GMDS: variants seen among roughly 807,000 people sequenced by gnomAD.
GMDS encodes the protein GDP-mannose 4,6 dehydratase.
Under a neutral mutation model 49.9 loss-of-function variants are expected in GMDS, and 20 were observed. The ratio of observed to expected loss-of-function variants is 0.40; its 90% CI spans 0.28 to 0.58. The LOEUF (loss-of-function observed/expected upper bound fraction) is 0.58. Ranked by LOEUF, GMDS falls within the 20% of genes least tolerant of loss-of-function variation. The pLI is 0.42. For synonymous variants in GMDS, 177 were observed against 178.6 expected, an observed-to-expected ratio of 0.99 and a Z score of 0.07; for missense variants, 362 against 481.4, an observed-to-expected ratio of 0.75 and a Z score of 2.32.
At chr6:2,055,285 G>A (rs778515849) in intron 4 of GMDS, among the ~76,000 whole-genome samples, 4 of 151,164 alleles carry the variant, frequency 2.6e-5, no homozygotes, top group Admixed American at 6.6e-5. Context: ...AGAGAATGAG[G>A]CAGAAGACAT....
chr6:1,685,773 A>G (rs1044731718), intron 9 of GMDS, among the ~76,000 whole-genome samples: 9 of 152,198 alleles, frequency 5.9e-5, no homozygotes, highest in Non-Finnish European at 1.2e-4. Flanking sequence ...GGAGGGGCAC[A>G]GGATGGAGAT....
At chr6:1,932,973 A>C (rs1762366389) in intron 6 of GMDS, among the ~76,000 whole-genome samples, 1 of 152,154 alleles carries the variant, frequency 6.6e-6, no homozygotes, top group Non-Finnish European at 1.5e-5. Context: ...CATCACAATC[A>C]ATTTCAGAAC....
chr6:1,874,837 C>T (rs1302418324), intron 7 of GMDS, among the ~76,000 whole-genome samples: 1 of 152,060 alleles, frequency 6.6e-6, no homozygotes, highest in African/African-American at 2.4e-5. Flanking sequence ...CAAAAAGTGT[C>T]TCGTAGTAAT....
intron 9 of GMDS, among the ~76,000 whole-genome samples, chr6:1,697,115 G>A (rs1023218974): frequency 2.6e-5 from 4 of 152,192 alleles, no homozygotes; most frequent in Non-Finnish European, 4.4e-5. Context: ...GGCTGTGTGA[G>A]CCCAAATGCC....
In GMDS at chr6:1,936,394, C is replaced by T. The variant is rs1762532987; in HGVS notation, c.644-6164G>A. On this transcript the variant is annotated intron_variant, in intron 6 of 10. Coordinates refer to ENST00000380815, the MANE Select transcript of GMDS (RefSeq NM_001500.4). ...TTCCATGAACCTAGGGAAAGTGAAG[C>T]CTGTGAATTTTACCAGCAGCAGACA... 1.3e-5 allele frequency among the ~76,000 whole-genome samples: 2 copies of T among 152,022 alleles called. 1 individual carries two copies. The highest frequency in any genetic ancestry group is 4.8e-5 in the African/African-American group (2 of 41,390).
chr6:2,184,790 A>T (rs888972347), intron 1 of GMDS, among the ~76,000 whole-genome samples: 2 of 152,234 alleles, frequency 1.3e-5, no homozygotes, highest in African/African-American at 4.8e-5. Flanking sequence ...AATCTATCAT[A>T]TTACCATAAA....
At chr6:1,931,755 A>C (rs1762296219) in intron 6 of GMDS, among the ~76,000 whole-genome samples, 1 of 152,230 alleles carries the variant, frequency 6.6e-6, no homozygotes, top group Non-Finnish European at 1.5e-5. Flanking sequence ...TATTAAATGA[A>C]GATTCCAACA....
At chr6:1,712,963 G>C (rs1766024929) in intron 9 of GMDS, among the ~76,000 whole-genome samples, 1 of 152,180 alleles carries the variant, frequency 6.6e-6, no homozygotes, top group Non-Finnish European at 1.5e-5. Context: ...CAGGGACACG[G>C]GGCAGACACA....
chr6:2,190,186 G>A (rs913713438), intron 1 of GMDS, among the ~76,000 whole-genome samples: 4 of 152,126 alleles, frequency 2.6e-5, no homozygotes, highest in African/African-American at 9.7e-5. Context: ...AAGAGCAAAT[G>A]TGGAATGGGA....
chr6:1,772,266 AT>A (rs1768608364), intron 7 of GMDS, among the ~76,000 whole-genome samples: 1 of 152,232 alleles, frequency 6.6e-6, no homozygotes, highest in Non-Finnish European at 1.5e-5. Context: ...AGGAAGGAAT[AT>A]GCTAAAGAAA....
chr6:2,172,280 A>T (rs1277780528), intron 1 of GMDS, among the ~76,000 whole-genome samples: 1 of 152,226 alleles, frequency 6.6e-6, no homozygotes, highest in Non-Finnish European at 1.5e-5. Flanking sequence ...AAAAGGAGAG[A>T]GTGACAATAT....
intron 6 of GMDS, among the ~76,000 whole-genome samples, chr6:1,937,839 T>G (rs953559217): frequency 1.3e-5 from 2 of 152,152 alleles, no homozygotes; most frequent in Non-Finnish European, 2.9e-5. Flanking sequence ...GACATATCTT[T>G]CTGGGGGCTA....
intron 9 of GMDS, among the ~76,000 whole-genome samples, chr6:1,674,529 A>G (rs564868534): frequency 2.2e-4 from 31 of 143,592 alleles, no homozygotes; most frequent in Admixed American, 6.3e-4. Context: ...AATTTTTCTG[A>G]AGTTCCAACT....
At chr6:1,649,368 T>G (rs1763582891) in intron 9 of GMDS, among the ~76,000 whole-genome samples, 1 of 152,232 alleles carries the variant, frequency 6.6e-6, no homozygotes. Context: ...TGCCTTTAGT[T>G]CAAATTGAGG....
intron 9 of GMDS, among the ~76,000 whole-genome samples, chr6:1,700,612 G>A (rs988888655): frequency 3.9e-5 from 6 of 152,200 alleles, no homozygotes; most frequent in Non-Finnish European, 5.9e-5. Flanking sequence ...AGGATGAACC[G>A]AAGTCGGCCT....
intron 7 of GMDS, among the ~76,000 whole-genome samples, chr6:1,854,621 C>T (rs1037664107): frequency 2.0e-5 from 3 of 152,176 alleles, no homozygotes; most frequent in African/African-American, 7.2e-5. Context: ...ATTATTTGGT[C>T]TAAAATGTCA....
chr6:1,833,757 A>G lies in GMDS; in HGVS notation c.772-91171T>C, dbSNP rs931317784. Among the ~76,000 whole-genome samples the G allele has an allele frequency of 4.6e-5, 7 of 152,232 alleles. No individual in the cohort carries two copies. Among genetic ancestry groups the G allele is most frequent in the Admixed American group, 2.6e-4 (4 of 15,286 alleles). Reference sequence around the variant, plus strand: ...AAGGGCAGTGGGTTGAAAGATCCTCATTATTCAAGAGAAGGGAAATTTATG... The same window carrying G: ...AAGGGCAGTGGGTTGAAAGATCCTCGTTATTCAAGAGAAGGGAAATTTATG... On this transcript the variant is annotated intron_variant, in intron 7 of 10. Coordinates refer to ENST00000380815, the MANE Select transcript of GMDS (RefSeq NM_001500.4). This position sits in a 1 kb window ranked among gnomAD's most constrained non-coding sequence, Gnocchi z 4.4.
At chr6:1,846,744 T>C (rs895630098) in intron 7 of GMDS, among the ~76,000 whole-genome samples, 5 of 152,204 alleles carry the variant, frequency 3.3e-5, no homozygotes, top group Non-Finnish European at 7.3e-5. Flanking sequence ...CAGTGAGAGA[T>C]GTGGCCAGAA....
intron 1 of GMDS, among the ~76,000 whole-genome samples, chr6:2,130,925 C>T (rs751248202): frequency 6.6e-6 from 1 of 151,594 alleles, no homozygotes; most frequent in Non-Finnish European, 1.5e-5. Flanking sequence ...GTGTTTGTGG[C>T]CTTAATTTTT....
Sources: gnomAD v4.1 joint callset for allele counts (sites outside exome capture counted in the v4.1 genomes callset) on GRCh38, gnomAD v4.1.1 for gene constraint, Gnocchi (gnomAD v3.1) non-coding constraint, MANE v1.5 for transcripts, NCBI Gene and HGNC (gene_info 2026-07-23, HGNC 2026-07-21) for gene names.